The following UTP25 variants were observed in gnomAD, a reference collection of about 807,000 sequenced individuals.
The protein encoded by UTP25 is UTP25 small subunit processome component.
A neutral mutation model predicts 78.9 loss-of-function variants in UTP25; 50 were observed. The observed-to-expected ratio is 0.63, with a 90% CI of 0.50 to 0.80. The LOEUF (loss-of-function observed/expected upper bound fraction) is 0.80, where lower values mean the gene tolerates loss of function less well. UTP25 is among the 30% of genes least tolerant of loss of function. The pLI is 0.00. For missense variants in UTP25, 846 were observed against 911.3 expected, an observed-to-expected ratio of 0.93 and a Z score of 0.92; for synonymous variants, 329 against 336.5, an observed-to-expected ratio of 0.98 and a Z score of 0.24.
chr1:209,854,222 G>A lies in UTP25; in HGVS notation c.*2775G>A, dbSNP rs1432491776. On this transcript the variant is annotated 3_prime_UTR_variant, in exon 12 of 12. Coordinates refer to ENST00000491415, the MANE Select transcript of UTP25 (RefSeq NM_014388.7). ...AAGGATGGTCCCAATCCTGGAAACAGTGGAATTAAAAGGTATGGAAAGGAA... is the reference window on the plus strand; with the variant it reads ...AAGGATGGTCCCAATCCTGGAAACAATGGAATTAAAAGGTATGGAAAGGAA... 8 of 152,218 alleles carry A rather than the reference G, an allele frequency of 5.3e-5. No homozygotes were observed. The highest frequency in any genetic ancestry group is 5.2e-4 in the Admixed American group (8 of 15,284). 9.4% of individuals were successfully genotyped at this position (152,218 alleles called of 1,614,324 possible).
At chr1:209,839,892 A>C (rs1366247849) in intron 7 of UTP25, among the ~76,000 whole-genome samples, 1 of 152,194 alleles carries the variant, frequency 6.6e-6, no homozygotes, top group Non-Finnish European at 1.5e-5. Context: ...CCCCTTACCC[A>C]AAATGGGGGC....
chr1:209,846,818 G>A (rs989980028), intron 11 of UTP25, among the ~76,000 whole-genome samples: 6 of 152,324 alleles, frequency 3.9e-5, no homozygotes, highest in African/African-American at 1.4e-4. Flanking sequence ...GTTGCATTGG[G>A]ACTGAGACAG....
intron 3 of UTP25, among the ~76,000 whole-genome samples, chr1:209,832,900 A>C (rs577896970): frequency 4.6e-5 from 7 of 152,240 alleles, no homozygotes; most frequent in African/African-American, 1.7e-4. Flanking sequence ...TAAATAAATA[A>C]ATAAACGCTC....
rs1572006106 is a variant in UTP25 at position 209,843,353 on chromosome 1, T to C, written c.1782-98T>C. On this transcript the variant is annotated intron_variant, in intron 10 of 11. Transcript: ENST00000491415. ...ATATTGGCCTCTGGGGAGGTAATCT[T>C]TTAACACGAGATTGTAATTTGCTCA... The C allele has an allele frequency of 6.9e-6, 10 of 1,454,766 alleles. No homozygotes were observed. In the East Asian group the frequency reaches 2.3e-4, roughly 34 times the overall value. 90.1% of individuals were successfully genotyped at this position (1,454,766 alleles called of 1,614,324 possible). A position where few individuals can be genotyped will look rare whatever the true frequency, so the allele number is the denominator to read the frequency against.
chr1:209,841,187 C>A, intron 8 of UTP25, 132 bp downstream of exon 8: 1 of 906,576 alleles, frequency 1.1e-6, no homozygotes, highest in Non-Finnish European at 1.6e-6. Flanking sequence ...ACACACACTC[C>A]ACATTTTCTA....
intron 11 of UTP25, among the ~76,000 whole-genome samples, chr1:209,850,900 T>A (rs1033349856): frequency 2.6e-5 from 4 of 152,246 alleles, no homozygotes; most frequent in Admixed American, 2.6e-4. Flanking sequence ...GACAGATTTT[T>A]AAATCCTGGT....
chr1:209,828,183 G>A lies in UTP25; in HGVS notation c.107+13G>A. The A allele has an allele frequency of 1.2e-6, 2 of 1,600,512 alleles. No homozygotes were observed. The highest frequency in any genetic ancestry group is 1.3e-5 in the African/African-American group (1 of 74,738). On this transcript the variant is annotated intron_variant, in intron 1 of 11. Transcript: ENST00000491415. ...CCTTCTATGACAGGTCTGAAGGGGC[G>A]TGGCAGGGCTCCCCAGTCGCCAGAG...
intron 11 of UTP25, among the ~76,000 whole-genome samples, chr1:209,844,966 G>A (rs1002474813): frequency 8.5e-5 from 13 of 152,194 alleles, no homozygotes; most frequent in Non-Finnish European, 1.0e-4. Context: ...CACAATGGGT[G>A]CATTTTCTCA....
intron 11 of UTP25, among the ~76,000 whole-genome samples, chr1:209,847,123 T>C (rs1158952072): frequency 1.3e-5 from 2 of 152,212 alleles, no homozygotes; most frequent in Non-Finnish European, 1.5e-5. Flanking sequence ...TTTTATGTGC[T>C]CATTTAAAAA....
In UTP25 at chr1:209,851,230, T is replaced by C. The variant is rs2102584222; in HGVS notation, c.2054T>C (p.Leu685Pro). Residue 685 changes from leucine to proline, a missense_variant, in exon 12 of 12, where the codon CTG (leucine) becomes CCG (proline). By Grantham distance (98) the Leu-to-Pro change is moderately conservative. Transcript: ENST00000491415. ...KRYTIKGIRN[L>P]IFYELPTYPH... ...TATACAATAAAAGGCATCAGGAACC[T>C]GATTTTCTATGAACTGCCGACATAT... The C allele has an allele frequency of 1.2e-6, 2 of 1,613,678 alleles. No individual in the cohort carries two copies. Among genetic ancestry groups the C allele is most frequent in the South Asian group, 1.1e-5 (1 of 90,894 alleles).
At chr1:209,834,403 C>CAG (rs1420481165) in intron 4 of UTP25, among the ~76,000 whole-genome samples, 2 of 152,288 alleles carry the variant, frequency 1.3e-5, no homozygotes, top group African/African-American at 4.8e-5. Flanking sequence ...ACTTGGAGTG[C>CAG]AGATGCTATC....
chr1:209,845,715 G>T (rs2078193215), intron 11 of UTP25, among the ~76,000 whole-genome samples: 1 of 152,030 alleles, frequency 6.6e-6, no homozygotes, highest in Non-Finnish European at 1.5e-5. Context: ...TTCTGCAACA[G>T]CTAATTATCT....
intron 11 of UTP25, among the ~76,000 whole-genome samples, chr1:209,849,468 A>C (rs1261503525): frequency 2.0e-5 from 3 of 150,228 alleles, no homozygotes; most frequent in Admixed American, 6.6e-5. Context: ...GCTTCTACTC[A>C]CCCTCCCCCT....
chr1:209,839,756 G>A (rs1464563544), intron 7 of UTP25, among the ~76,000 whole-genome samples: 1 of 152,156 alleles, frequency 6.6e-6, no homozygotes, highest in Non-Finnish European at 1.5e-5. Context: ...TTAAGAAGCT[G>A]GGAATCTACA....
At chr1:209,830,495 C>G (rs1290254807) in intron 2 of UTP25, among the ~76,000 whole-genome samples, 1 of 105,388 alleles carries the variant, frequency 9.5e-6, no homozygotes, top group Non-Finnish European at 2.0e-5. Context: ...CATATTACAA[C>G]AAACTAAAAA....
In UTP25 at chr1:209,855,688, C is replaced by G. The variant is rs574774158; in HGVS notation, c.*4241C>G. 4 of 152,412 alleles carry G rather than the reference C, an allele frequency of 2.6e-5. No homozygotes were observed. The East Asian group carries it at 7.7e-4, about 29-fold the overall frequency. The allele number at this position is 152,412 out of a possible 1,614,324, so 9.4% of individuals were successfully genotyped here. ...TGGCACATTTCTAGGTGCTCCTCGC[C>G]GAGCTGTCATGGGCTTCAGTCTTGG... On this transcript the variant is annotated 3_prime_UTR_variant, in exon 12 of 12. Coordinates refer to ENST00000491415, the MANE Select transcript of UTP25 (RefSeq NM_014388.7).
chr1:209,829,701 G>A (rs2078092294), intron 1 of UTP25, among the ~76,000 whole-genome samples: 1 of 152,004 alleles, frequency 6.6e-6, no homozygotes. Flanking sequence ...ACCCAGGTTG[G>A]TCTCAAACTC....
chr1:209,841,120 G>A, intron 8 of UTP25, 65 bp downstream of exon 8: 2 of 1,546,118 alleles, frequency 1.3e-6, no homozygotes, highest in Non-Finnish European at 1.8e-6. Context: ...ACACCCAGTG[G>A]TTTAAGTCCT....
intron 3 of UTP25, among the ~76,000 whole-genome samples, chr1:209,831,960 A>T (rs2078106048): frequency 6.6e-6 from 1 of 150,984 alleles, no homozygotes; most frequent in Admixed American, 6.6e-5. Flanking sequence ...CTTTTTACTC[A>T]TTATTTTAAT....
Sources: gnomAD v4.1 joint callset for allele counts (sites outside exome capture counted in the v4.1 genomes callset) on GRCh38, gnomAD v4.1.1 for gene constraint, MANE v1.5 for transcripts, NCBI Gene and HGNC (gene_info 2026-07-23, HGNC 2026-07-21) for gene names.